The following COL4A1 variants were observed in gnomAD, a reference collection of about 807,000 sequenced individuals.
The protein encoded by COL4A1 is collagen alpha-1(IV) chain.
Under a neutral mutation model 216.6 loss-of-function variants are expected in COL4A1, and 40 were observed. That is an observed-to-expected ratio of 0.18 (90% CI 0.14 to 0.24). The LOEUF (loss-of-function observed/expected upper bound fraction) is 0.24, where lower values mean the gene tolerates loss of function less well. COL4A1 is among the 10% of genes least tolerant of loss of function. The pLI is 1.00. For missense variants in COL4A1, 1,628 were observed against 2,196.8 expected (o/e 0.74, Z 5.18); for synonymous variants, 839 against 810.7 (o/e 1.03, Z -0.59).
chr13:110,187,363 A>G, intron 24 of COL4A1, 34 bp from the exon 25 acceptor site: 1 of 1,610,534 alleles, frequency 6.2e-7, no homozygotes, highest in Non-Finnish European at 8.5e-7. Flanking sequence ...CCACAGAAGA[A>G]CCCATCCATG....
intron 2 of COL4A1, among the ~76,000 whole-genome samples, chr13:110,221,070 C>A (rs183023050): frequency 6.6e-6 from 1 of 152,340 alleles, no homozygotes; most frequent in East Asian, 1.9e-4. Context: ...TTGGACAAAT[C>A]CTGATGTTGA....
chr13:110,253,354 ATATGTAT>A (rs1482198827), intron 1 of COL4A1, among the ~76,000 whole-genome samples: 6 of 52,596 alleles, frequency 1.1e-4, no homozygotes, highest in African/African-American at 4.9e-4. Context: ...ACATATAATT[ATATGTAT>A]TACATATACA....
chr13:110,263,288 A>C (rs1346533873), intron 1 of COL4A1, among the ~76,000 whole-genome samples: 2 of 152,236 alleles, frequency 1.3e-5, no homozygotes, highest in Admixed American at 6.5e-5. Flanking sequence ...GGAGGTTCAG[A>C]TAAGACAGAA....
At chr13:110,170,112 A>G in intron 42 of COL4A1, among the ~76,000 whole-genome samples, 1 of 72,014 alleles carries the variant, frequency 1.4e-5, no homozygotes, top group Admixed American at 1.2e-4. Flanking sequence ...GAAGGGAGGA[A>G]AGAAGGAAGG....
chr13:110,282,898 G>A (rs1051725684), intron 1 of COL4A1, among the ~76,000 whole-genome samples: 6 of 152,072 alleles, frequency 3.9e-5, no homozygotes, highest in South Asian at 4.1e-4. Flanking sequence ...TTGTTCTTTC[G>A]TGGCCATCGG....
intron 20 of COL4A1, among the ~76,000 whole-genome samples, chr13:110,199,455 G>A (rs563558123): frequency 2.6e-5 from 4 of 152,350 alleles, no homozygotes; most frequent in African/African-American, 9.6e-5. Context: ...CAAGCACAAC[G>A]TGCTCCAAGG....
chr13:110,170,081 G>A (rs1877549000), intron 42 of COL4A1, among the ~76,000 whole-genome samples: 1 of 140,334 alleles, frequency 7.1e-6, no homozygotes, highest in African/African-American at 2.7e-5. Context: ...GGGAGGGGAG[G>A]GGAAGGAGGG....
At chr13:110,247,732 ATTCT>A (rs1317977670) in intron 1 of COL4A1, among the ~76,000 whole-genome samples, 1 of 149,854 alleles carries the variant, frequency 6.7e-6, no homozygotes, top group Non-Finnish European at 1.5e-5. Context: ...AAGCTCACTC[ATTCT>A]GTTTACAGAA....
chr13:110,200,909 G>C lies in COL4A1; in HGVS notation c.1085-20C>G, dbSNP rs534636389. 63 of 1,613,668 alleles carry C rather than the reference G, an allele frequency of 3.9e-5. No individual in the cohort carries two copies. Among genetic ancestry groups the C allele is most frequent in the Non-Finnish European group, 5.1e-5 (60 of 1,179,732 alleles). ...GGAAACCTGAAAAGAGAAAGAGAGT[G>C]TTGGATCAAACAGAACAGTTCACCC... On this transcript the variant is annotated intron_variant, in intron 19 of 51. Coordinates refer to ENST00000375820, the MANE Select transcript of COL4A1 (RefSeq NM_001845.6).
chr13:110,175,853 A>T (rs1354445052), intron 36 of COL4A1, among the ~76,000 whole-genome samples: 1 of 152,194 alleles, frequency 6.6e-6, no homozygotes. Context: ...TGATAACAGC[A>T]CCTGGTCAAG....
intron 2 of COL4A1, among the ~76,000 whole-genome samples, chr13:110,225,592 T>G (rs1041644352): frequency 6.6e-6 from 1 of 151,832 alleles, no homozygotes; most frequent in South Asian, 2.1e-4. Flanking sequence ...AAAAAATAAA[T>G]AAATAAATAA....
intron 17 of COL4A1, 122 bp downstream of exon 17, chr13:110,205,231 G>A (rs1399131136): frequency 8.5e-7 from 1 of 1,181,196 alleles, no homozygotes; most frequent in Non-Finnish European, 1.2e-6. Flanking sequence ...TTTTTACCCA[G>A]AAGAAGCATA....
chr13:110,210,495 C>T (rs1879741490), intron 8 of COL4A1, among the ~76,000 whole-genome samples: 2 of 152,128 alleles, frequency 1.3e-5, no homozygotes, highest in Admixed American at 6.5e-5. Flanking sequence ...AGGACCACCC[C>T]CAACTCTAGA....
chr13:110,164,927 G>C lies in COL4A1; in HGVS notation c.4085C>G (p.Pro1362Arg). ...CAGCCCTGGGGGGCCCTCAGGACCA[G>C]GGAGCCCGGGCTCCCCTTTGATGAT... ...YDIIKGEPGL[P>R]GPEGPPGLKG... is the part of the protein sequence containing the mutation. Residue 1362 changes from proline (P) to arginine (R), a missense_variant, in exon 46 of 52, where the codon CCT becomes CGT. This residue lies in a region of COL4A1 where 345 missense variants were observed against 476.9 expected (regional missense o/e 0.72). Transcript: ENST00000375820. The C allele has an allele frequency of 6.2e-7, 1 of 1,605,544 alleles. No individual in the cohort carries two copies. The highest frequency in any genetic ancestry group is 8.5e-7 in the Non-Finnish European group (1 of 1,176,148).
At chr13:110,247,991 G>A (rs1288575332) in intron 1 of COL4A1, among the ~76,000 whole-genome samples, 1 of 152,054 alleles carries the variant, frequency 6.6e-6, no homozygotes, top group Admixed American at 6.6e-5. Flanking sequence ...ATGGAAGATA[G>A]ACCTTTAACA....
chr13:110,224,824 G>A lies in COL4A1; in HGVS notation c.145-10809C>T, dbSNP rs139632470. Among the ~76,000 whole-genome samples the A allele has an allele frequency of 5.9e-5, 9 of 152,256 alleles. No homozygotes were observed. In the East Asian group the frequency reaches 1.7e-3, roughly 29 times the overall value. The stretch of plus-strand genomic sequence containing the variant: ...GTGGGGCAGCGTTGTGGAACAAAAC[G>A]AGGACACAGCAAAGGCAGGAAACAC... On this transcript the variant is annotated intron_variant, in intron 2 of 51. Coordinates refer to ENST00000375820, the MANE Select transcript of COL4A1 (RefSeq NM_001845.6).
At chr13:110,228,339 A>C (rs762938052) in intron 2 of COL4A1, among the ~76,000 whole-genome samples, 5 of 152,058 alleles carry the variant, frequency 3.3e-5, no homozygotes, top group Non-Finnish European at 7.4e-5. Context: ...TAAAAATCCA[A>C]TTTTGAAGGG....
At chr13:110,183,734 C>T (rs931622728) in intron 26 of COL4A1, among the ~76,000 whole-genome samples, 3 of 152,318 alleles carry the variant, frequency 2.0e-5, no homozygotes, top group African/African-American at 2.4e-5. Context: ...ACATGATCCG[C>T]GGGTGATTAC....
intron 1 of COL4A1, among the ~76,000 whole-genome samples, chr13:110,278,180 G>A (rs902204216): frequency 6.6e-6 from 1 of 152,192 alleles, no homozygotes; most frequent in Admixed American, 6.5e-5. Flanking sequence ...TCTCATAAAA[G>A]GTGAAGTGAG....
Sources: gnomAD v4.1 joint callset for allele counts (sites outside exome capture counted in the v4.1 genomes callset) on GRCh38, gnomAD v4.1.1 for gene constraint, gnomAD v4.1.1 regional missense constraint, MANE v1.5 for transcripts, NCBI Gene and HGNC (gene_info 2026-07-23, HGNC 2026-07-21) for gene names.